The following CCDC148 variants were observed in gnomAD, a reference collection of about 807,000 sequenced individuals.
The protein encoded by CCDC148 is coiled-coil domain containing 148.
CCDC148 carries 89 observed loss-of-function variants against 85.7 expected under a neutral mutation model. The ratio of observed to expected loss-of-function variants is 1.04; its 90% CI spans 0.87 to 1.24. The LOEUF (loss-of-function observed/expected upper bound fraction) is 1.24. Among genes scored for constraint, CCDC148 ranks in the 50% most tolerant of loss-of-function variants. The pLI is 0.00. For missense variants in CCDC148, 692 were observed against 671.7 expected, an observed-to-expected ratio of 1.03 and a Z score of -0.33; for synonymous variants, 230 against 213.9, an observed-to-expected ratio of 1.08 and a Z score of -0.66.
chr2:158,265,010 ACTT>A (rs1470683371), intron 9 of CCDC148, among the ~76,000 whole-genome samples: 10 of 152,104 alleles, frequency 6.6e-5, no homozygotes, highest in African/African-American at 2.4e-4. Context: ...TCTTCGAATT[ACTT>A]CTTCTGCATA....
intron 7 of CCDC148, among the ~76,000 whole-genome samples, chr2:158,333,711 C>T (rs180996938): frequency 9.9e-5 from 15 of 152,186 alleles, no homozygotes; most frequent in Admixed American, 7.9e-4. Flanking sequence ...GTATTGGGTG[C>T]ATATATATTT....
intron 7 of CCDC148, among the ~76,000 whole-genome samples, chr2:158,328,445 G>A (rs891524104): frequency 1.3e-5 from 2 of 152,098 alleles, no homozygotes; most frequent in African/African-American, 4.8e-5. Context: ...CCAAGTCTTT[G>A]CTATTGTCAA....
At chr2:158,329,657 C>T (rs1692988691) in intron 7 of CCDC148, among the ~76,000 whole-genome samples, 1 of 151,994 alleles carries the variant, frequency 6.6e-6, no homozygotes, top group South Asian at 2.1e-4. Context: ...GAATGTTCTT[C>T]CATTTGTTTG....
intron 9 of CCDC148, among the ~76,000 whole-genome samples, chr2:158,305,365 G>A (rs78508989): frequency 0.05 from 7,666 of 152,290 alleles, 283 homozygotes; most frequent in Non-Finnish European, 0.08. Flanking sequence ...GGCCCTGCCT[G>A]AGACTGAGGT....
Position 158,370,283 on chromosome 2 carries a change from C to A in CCDC148, c.26-11713G>T, listed in dbSNP as rs2105278896. 2.6e-5 allele frequency among the ~76,000 whole-genome samples: 4 copies of A among 152,034 alleles called. 1 individual carries two copies. In the Middle Eastern group the frequency reaches 0.01, roughly 390 times the overall value. ...CATGTCCTGCACATATATCCCAGCA[C>A]TTAAAATTAAATTAAATTAAATTTT... On this transcript the variant is annotated intron_variant, in intron 1 of 13. Coordinates refer to ENST00000283233, the MANE Select transcript of CCDC148 (RefSeq NM_138803.4).
intron 10 of CCDC148, among the ~76,000 whole-genome samples, chr2:158,227,306 A>G (rs1305851634): frequency 6.6e-6 from 1 of 150,636 alleles, no homozygotes; most frequent in Non-Finnish European, 1.5e-5. Flanking sequence ...GAAATAAAAG[A>G]GGATACAAAC....
At chr2:158,304,823 G>GGCT (rs1336529930) in intron 9 of CCDC148, among the ~76,000 whole-genome samples, 2 of 152,178 alleles carry the variant, frequency 1.3e-5, no homozygotes, top group Non-Finnish European at 2.9e-5. Context: ...TGTGACAACT[G>GGCT]GCTTACCTGC....
intron 9 of CCDC148, among the ~76,000 whole-genome samples, chr2:158,258,835 A>T (rs567250223): frequency 2.4e-4 from 37 of 151,962 alleles, no homozygotes; most frequent in African/African-American, 8.9e-4. Flanking sequence ...TGTCTGATCC[A>T]TCTCATTCCC....
intron 1 of CCDC148, among the ~76,000 whole-genome samples, chr2:158,428,035 AT>A (rs1306822953): frequency 6.6e-6 from 1 of 152,178 alleles, no homozygotes; most frequent in African/African-American, 2.4e-5. Context: ...TTATCCTAAA[AT>A]CAATAAGAAT....
intron 11 of CCDC148, among the ~76,000 whole-genome samples, chr2:158,204,592 T>C (rs575015793): frequency 2.0e-5 from 3 of 152,248 alleles, no homozygotes; most frequent in South Asian, 4.1e-4. Context: ...CCCAGCTTTC[T>C]AGTCATCTCA....
intron 10 of CCDC148, among the ~76,000 whole-genome samples, chr2:158,224,984 C>G (rs1687421049): frequency 6.6e-6 from 1 of 152,070 alleles, no homozygotes; most frequent in Admixed American, 6.6e-5. Context: ...GGGCTAAATG[C>G]TCCAATTAAA....
At chr2:158,270,473 T>C (rs926929434) in intron 9 of CCDC148, among the ~76,000 whole-genome samples, 6 of 152,174 alleles carry the variant, frequency 3.9e-5, no homozygotes, top group African/African-American at 1.4e-4. Flanking sequence ...TTGATTCTGA[T>C]AACCAACCAT....
At chr2:158,280,335 T>C (rs1690214299) in intron 9 of CCDC148, among the ~76,000 whole-genome samples, 5 of 152,128 alleles carry the variant, frequency 3.3e-5, no homozygotes, top group East Asian at 1.9e-4. Flanking sequence ...GACTGGCAAA[T>C]TGGATAAAGA....
intron 1 of CCDC148, among the ~76,000 whole-genome samples, chr2:158,394,099 T>C (rs576367806): frequency 6.6e-6 from 1 of 152,234 alleles, no homozygotes; most frequent in Non-Finnish European, 1.5e-5. Context: ...GATAAGTCAT[T>C]ATCACCTGAC....
chr2:158,417,480 T>G (rs1455933155), intron 1 of CCDC148, among the ~76,000 whole-genome samples: 1 of 152,230 alleles, frequency 6.6e-6, no homozygotes, highest in East Asian at 1.9e-4. Flanking sequence ...ATGGTGCTTG[T>G]ACCTTTCTGC....
chr2:158,433,122 T>C (rs939564620), intron 1 of CCDC148, among the ~76,000 whole-genome samples: 1 of 115,194 alleles, frequency 8.7e-6, no homozygotes, highest in African/African-American at 2.8e-5. Flanking sequence ...GACTTGGGTG[T>C]CATGGCCCAC....
intron 1 of CCDC148, among the ~76,000 whole-genome samples, chr2:158,424,257 C>G (rs1686958678): frequency 6.6e-6 from 1 of 152,116 alleles, no homozygotes; most frequent in South Asian, 2.1e-4. Flanking sequence ...GCTATAAAGA[C>G]ACATGCACAT....
In CCDC148 at chr2:158,345,271, T is replaced by A; in HGVS notation, c.195A>T (p.Leu65=). The change falls in exon 3 of 14, where the codon CTA becomes CTT. Residue 65 remains leucine (L), a synonymous_variant. Coordinates refer to ENST00000283233, the MANE Select transcript of CCDC148 (RefSeq NM_138803.4). ...LTSKLSKEQT[L]IKQHKQVWWQ... is the part of the protein sequence containing the mutation. ...ACCACACTTGCTTGTGTTGTTTTAT[T>A]AGTGTTTGTTCTTTGGATAACTTTG... 6.2e-7 allele frequency: 1 copy of A among 1,613,660 alleles called. No homozygotes were observed. The highest frequency in any genetic ancestry group is 8.5e-7 in the Non-Finnish European group (1 of 1,179,726).
chr2:158,359,010 T>C (rs10176812), intron 1 of CCDC148, among the ~76,000 whole-genome samples: 61,480 of 151,938 alleles, frequency 0.4, 13,143 homozygotes, highest in South Asian at 0.61. Context: ...TAGAAAAATC[T>C]AAATAATTTT....
Sources: allele counts gnomAD v4.1 joint callset (sites outside exome capture counted in the v4.1 genomes callset), GRCh38; gene constraint gnomAD v4.1.1; transcripts MANE v1.5; gene names NCBI Gene and HGNC (gene_info 2026-07-23, HGNC 2026-07-21).